Variants in RFPL4A observed in about 807,000 individuals in gnomAD.
RFPL4A encodes the protein ret finger protein-like 4A.
RFPL4A carries 4 observed loss-of-function variants against 8.3 expected under a neutral mutation model. The ratio of observed to expected loss-of-function variants is 0.48; its 90% CI spans 0.24 to 1.10. The LOEUF is 1.10. RFPL4A is among the 50% of genes least tolerant of loss of function. RFPL4A has a pLI of 0.18. For missense variants in RFPL4A, 111 were observed against 358.7 expected (o/e 0.31, Z 5.58); for synonymous variants, 43 against 136.6 (o/e 0.31, Z 4.78).
chr19:55,761,839 C>G lies in RFPL4A; in HGVS notation c.39C>G (p.Val13=), dbSNP rs1270070089. 6.8e-7 allele frequency: 1 copy of G among 1,476,994 alleles called. No homozygotes were observed. Among genetic ancestry groups the G allele is most frequent in the Non-Finnish European group, 9.2e-7 (1 of 1,088,824 alleles). The allele number at this position is 1,476,994 out of a possible 1,614,324, so 91.5% of individuals were successfully genotyped here. Residue 13 remains valine, a synonymous_variant, in exon 2 of 3, where the codon GTC becomes GTG. Coordinates refer to ENST00000434937, the MANE Select transcript of RFPL4A (RefSeq NM_001145014.2). ...EHFKQIIRCP[V]CLKDLEEAVQ... ...TCAAACAGATCATTAGATGTCCTGT[C>G]TGTCTAAAAGATCTTGAAGAAGCCG...
chr19:55,759,458 C>T lies in RFPL4A; in HGVS notation c.-10+283C>T, dbSNP rs374067066. 1.7e-3 allele frequency among the ~76,000 whole-genome samples: 259 copies of T among 151,742 alleles called. 1 individual carries two copies. Among genetic ancestry groups the T allele is most frequent in the East Asian group, 0.017 (86 of 5,166 alleles). On this transcript the variant is annotated intron_variant, in intron 1 of 2. Transcript: ENST00000434937. ...GAGGTTCGGTGGCTGCGTTACTCAA[C>T]GTCAGGTTTTCCTATGGGTTTGGTA...
upstream of RFPL4A, chr19:55,758,981 C>A (rs1989229140): frequency 6.7e-6 from 1 of 149,276 alleles, no homozygotes; most frequent in African/African-American, 2.5e-5. Context: ...AGGTAAAAAC[C>A]TGTCCAATAG....
At chr19:55,761,042 T>C (rs1341610574) in intron 1 of RFPL4A, among the ~76,000 whole-genome samples, 1 of 140,630 alleles carries the variant, frequency 7.1e-6, no homozygotes, top group African/African-American at 2.6e-5. Context: ...TCCATTGTCA[T>C]ATATATGGCT....
At chr19:55,762,361 C>T (rs963856167) in intron 2 of RFPL4A, among the ~76,000 whole-genome samples, 4 of 150,752 alleles carry the variant, frequency 2.7e-5, no homozygotes, top group Admixed American at 1.3e-4. Context: ...TAACTTATTT[C>T]GAAAGGCATT....
At chr19:55,760,353 C>T (rs1173774300) in intron 1 of RFPL4A, among the ~76,000 whole-genome samples, 3 of 151,516 alleles carry the variant, frequency 2.0e-5, no homozygotes, top group African/African-American at 4.9e-5. Context: ...GTCGGGAGAA[C>T]GAATTCAGGG....
upstream of RFPL4A, among the ~76,000 whole-genome samples, chr19:55,758,588 T>A (rs542931382): frequency 6.6e-6 from 1 of 151,610 alleles, no homozygotes; most frequent in African/African-American, 2.4e-5. Flanking sequence ...GGCTGACTGA[T>A]TGTCTGGAAA....
upstream of RFPL4A, among the ~76,000 whole-genome samples, chr19:55,757,682 C>A (rs565282024): frequency 6.6e-6 from 1 of 152,212 alleles, no homozygotes; most frequent in South Asian, 2.1e-4. Flanking sequence ...CCCAAACCAA[C>A]CCCACCAGTG....
chr19:55,761,683 G>A (rs1158015712), intron 1 of RFPL4A, 109 bp from the exon 2 acceptor site: 1 of 1,473,938 alleles, frequency 6.8e-7, no homozygotes, highest in Admixed American at 2.1e-5. Flanking sequence ...GTGATTTTAA[G>A]TGTCGTGCTA....
intron 1 of RFPL4A, among the ~76,000 whole-genome samples, chr19:55,759,711 C>T (rs1215078286): frequency 1.3e-5 from 2 of 151,400 alleles, no homozygotes; most frequent in South Asian, 2.1e-4. Flanking sequence ...TGTTTTGAGA[C>T]AGGGTCTCGC....
rs1205169542 is a variant in RFPL4A at position 55,763,365 on chromosome 19, G to T, written c.*190G>T. 5.3e-5 allele frequency among the ~76,000 whole-genome samples: 8 copies of T among 149,850 alleles called. No individual in the cohort carries two copies. The highest frequency in any genetic ancestry group is 2.0e-4 in the African/African-American group (8 of 39,374). On this transcript the variant is annotated 3_prime_UTR_variant, in exon 3 of 3. Transcript: ENST00000434937. ...CATTGTACTTAAAGTTTGTCATGTTGTTTTCTTTGGGGCTTATGTTTATAT... is the reference window on the plus strand; with the variant it reads ...CATTGTACTTAAAGTTTGTCATGTTTTTTTCTTTGGGGCTTATGTTTATAT...
intron 2 of RFPL4A, 43 bp downstream of exon 2, chr19:55,762,129 G>T (rs1327714376): frequency 6.5e-7 from 1 of 1,536,208 alleles, no homozygotes; most frequent in African/African-American, 1.4e-5. Flanking sequence ...AAAAGGCACT[G>T]GGAAAATGTC....
upstream of RFPL4A, among the ~76,000 whole-genome samples, chr19:55,757,594 C>T (rs1989196683): frequency 6.6e-6 from 1 of 151,904 alleles, no homozygotes; most frequent in African/African-American, 2.4e-5. Flanking sequence ...GGAAACTTTA[C>T]CACTGTCTGA....
intron 1 of RFPL4A, among the ~76,000 whole-genome samples, chr19:55,760,571 C>A (rs1989261098): frequency 6.6e-6 from 1 of 151,324 alleles, no homozygotes; most frequent in Non-Finnish European, 1.5e-5. Context: ...GGTGAGGTAC[C>A]CATTTTTGTA....
rs1989334469 is a variant in RFPL4A, at chr19:55,763,387, A to G, written c.*212A>G. On this transcript the variant is annotated 3_prime_UTR_variant, in exon 3 of 3. Transcript: ENST00000434937. ...GTTGTTTTCTTTGGGGCTTATGTTT[A>G]TATTTCTGTTCAATAAATATTTTGA... Among the ~76,000 whole-genome samples, 5 of 150,072 alleles carry G rather than the reference A, an allele frequency of 3.3e-5. No individual in the cohort carries two copies. Among genetic ancestry groups the G allele is most frequent in the Admixed American group, 3.3e-4 (5 of 15,228 alleles).
In RFPL4A at chr19:55,760,303, A is replaced by G. The variant is rs551923111; in HGVS notation, c.-10+1128A>G. The stretch of plus-strand genomic sequence containing the variant: ...GCTCAGGAGGCTCTCTGGATGCCAG[A>G]GAGACCCCAGTCCCAGCCAGTTTCC... On this transcript the variant is annotated intron_variant, in intron 1 of 2. Coordinates refer to ENST00000434937, the MANE Select transcript of RFPL4A (RefSeq NM_001145014.2). 2.5e-3 allele frequency among the ~76,000 whole-genome samples: 372 copies of G among 151,532 alleles called. 1 individual carries two copies. The highest frequency in any genetic ancestry group is 8.7e-3 in the African/African-American group (357 of 41,154).
In RFPL4A at chr19:55,760,309, C is replaced by A. The variant is rs537732793; in HGVS notation, c.-10+1134C>A. ...GAGGCTCTCTGGATGCCAGAGAGACCCCAGTCCCAGCCAGTTTCCAGGTTC... is the reference window on the plus strand; with the variant it reads ...GAGGCTCTCTGGATGCCAGAGAGACACCAGTCCCAGCCAGTTTCCAGGTTC... On this transcript the variant is annotated intron_variant, in intron 1 of 2. Coordinates refer to ENST00000434937, the MANE Select transcript of RFPL4A (RefSeq NM_001145014.2). Among the ~76,000 whole-genome samples, 7 of 151,432 alleles carry A rather than the reference C, an allele frequency of 4.6e-5. 1 individual carries two copies. The highest frequency in any genetic ancestry group is 1.3e-4 in the Admixed American group (2 of 15,244).
upstream of RFPL4A, among the ~76,000 whole-genome samples, chr19:55,757,361 C>T (rs1229029014): frequency 1.3e-5 from 2 of 151,622 alleles, no homozygotes; most frequent in Non-Finnish European, 2.9e-5. Context: ...TACCCCAGAA[C>T]TTAAAGTATA....
upstream of RFPL4A, among the ~76,000 whole-genome samples, chr19:55,757,558 A>T (rs1989195605): frequency 6.6e-6 from 1 of 151,958 alleles, no homozygotes; most frequent in African/African-American, 2.4e-5. Context: ...CCCCTAAAGT[A>T]CTGAACTGTA....
At chr19:55,758,694 A>G (rs1989222083), upstream of RFPL4A, among the ~76,000 whole-genome samples, 2 of 151,452 alleles carry the variant, frequency 1.3e-5, no homozygotes, top group South Asian at 4.2e-4. Context: ...GGAGTGTCCT[A>G]TTAGTAACGA....
Sources: allele counts gnomAD v4.1 joint callset (sites outside exome capture counted in the v4.1 genomes callset), GRCh38; gene constraint gnomAD v4.1.1; transcripts MANE v1.5; gene names NCBI Gene and HGNC (gene_info 2026-07-23, HGNC 2026-07-21).